Variants in CDH11 observed in about 807,000 individuals in gnomAD.
CDH11 encodes the protein cadherin-11.
In CDH11, 11 loss-of-function variants were observed where a neutral mutation model predicts 67.8. That is an observed-to-expected ratio of 0.16 (90% CI 0.10 to 0.27). The LOEUF (loss-of-function observed/expected upper bound fraction) is 0.27, where lower values mean the gene tolerates loss of function less well. Ranked by LOEUF, CDH11 falls within the 10% of genes least tolerant of loss-of-function variation. The pLI is 1.00. For synonymous variants in CDH11, 419 were observed against 400.0 expected, an observed-to-expected ratio of 1.05 and a Z score of -0.57; for missense variants, 847 against 1,031.2, an observed-to-expected ratio of 0.82 and a Z score of 2.45.
intron 2 of CDH11, among the ~76,000 whole-genome samples, chr16:65,033,932 A>G (rs2073699379): frequency 6.6e-6 from 1 of 152,134 alleles, no homozygotes; most frequent in South Asian, 2.1e-4. Flanking sequence ...TTGTGTGAGA[A>G]AGACACTTAC....
intron 11 of CDH11, among the ~76,000 whole-genome samples, chr16:64,969,955 A>G (rs2071956440): frequency 6.6e-6 from 1 of 152,212 alleles, no homozygotes; most frequent in Admixed American, 6.5e-5. Flanking sequence ...GAGACTTACA[A>G]GTGCACATTC....
chr16:65,068,824 A>G (rs569297524), intron 1 of CDH11, among the ~76,000 whole-genome samples: 48 of 152,328 alleles, frequency 3.2e-4, no homozygotes, highest in Non-Finnish European at 4.9e-4. Context: ...ATTTTCAGAA[A>G]TAAGAAAAAT....
intron 3 of CDH11, among the ~76,000 whole-genome samples, 162 bp from the exon 4 acceptor site, chr16:64,999,018 T>C (rs2072846751): frequency 6.6e-6 from 1 of 152,046 alleles, no homozygotes; most frequent in Admixed American, 6.5e-5. Flanking sequence ...TTAGAGAATA[T>C]CATAGCCTTG....
At chr16:65,043,348 T>G (rs1481063047) in intron 2 of CDH11, among the ~76,000 whole-genome samples, 4 of 151,420 alleles carry the variant, frequency 2.6e-5, no homozygotes, top group Admixed American at 2.6e-4. Context: ...AGCATGGGGA[T>G]GTTTACTAGG....
chr16:64,967,643 C>T (rs1377097831), intron 11 of CDH11, among the ~76,000 whole-genome samples: 4 of 151,566 alleles, frequency 2.6e-5, no homozygotes, highest in Admixed American at 1.3e-4. Flanking sequence ...GTATTACATA[C>T]TATTAAGTGG....
intron 4 of CDH11, among the ~76,000 whole-genome samples, chr16:64,995,759 C>T (rs1362483933): frequency 6.6e-6 from 1 of 152,116 alleles, no homozygotes; most frequent in Non-Finnish European, 1.5e-5. Context: ...CCTAATTACA[C>T]TAAAGAGCTT....
At chr16:65,019,525 G>A (rs1426010940) in intron 2 of CDH11, among the ~76,000 whole-genome samples, 2 of 151,972 alleles carry the variant, frequency 1.3e-5, no homozygotes, top group Non-Finnish European at 2.9e-5. Flanking sequence ...TTTTGCATTA[G>A]TGCATCGTTA....
At chr16:64,964,490 G>C (rs1288946853) in intron 11 of CDH11, among the ~76,000 whole-genome samples, 1 of 152,172 alleles carries the variant, frequency 6.6e-6, no homozygotes. Flanking sequence ...CACTGAGTGA[G>C]TGAATGTGAA....
At chr16:65,039,500 C>T (rs1292144902) in intron 2 of CDH11, among the ~76,000 whole-genome samples, 2 of 152,188 alleles carry the variant, frequency 1.3e-5, no homozygotes, top group Non-Finnish European at 2.9e-5. Context: ...GGAAAACTGG[C>T]TAGCCATATG....
intron 2 of CDH11, among the ~76,000 whole-genome samples, chr16:65,023,734 T>A (rs2073476579): frequency 6.6e-6 from 1 of 152,216 alleles, no homozygotes; most frequent in Admixed American, 6.5e-5. Flanking sequence ...ATTTGTAAAC[T>A]GTCATGGCAC....
chr16:64,987,076 TTGAAAA>T (rs2072505758), intron 7 of CDH11: 1 of 152,220 alleles, frequency 6.6e-6, no homozygotes, highest in South Asian at 2.1e-4. Context: ...TAAAACTAAG[TTGAAAA>T]TGAACGCTTG....
chr16:65,045,351 A>C (rs868314550), intron 2 of CDH11, among the ~76,000 whole-genome samples: 36 of 119,612 alleles, frequency 3.0e-4, no homozygotes, highest in Middle Eastern at 4.5e-3. Flanking sequence ...ATATATATAT[A>C]TATATATATA....
intron 4 of CDH11, among the ~76,000 whole-genome samples, chr16:64,996,271 C>T (rs1179779846): frequency 6.6e-6 from 1 of 152,084 alleles, no homozygotes; most frequent in African/African-American, 2.4e-5. Flanking sequence ...GAGCAGATCA[C>T]CTGAGGTCTG....
intron 11 of CDH11, among the ~76,000 whole-genome samples, chr16:64,960,082 G>C (rs1194509773): frequency 2.0e-5 from 3 of 152,136 alleles, no homozygotes; most frequent in African/African-American, 7.2e-5. Context: ...TATTACATTT[G>C]CAAAACTAAT....
intron 1 of CDH11, among the ~76,000 whole-genome samples, chr16:65,100,094 G>A (rs912341837): frequency 2.0e-5 from 3 of 152,174 alleles, no homozygotes; most frequent in Non-Finnish European, 4.4e-5. Context: ...AATGGACTGG[G>A]TGTGAGGTCT....
chr16:64,992,870 T>A, intron 5 of CDH11, 45 bp downstream of exon 5: 1 of 1,600,126 alleles, frequency 6.2e-7, no homozygotes, highest in Non-Finnish European at 8.6e-7. Context: ...GCCTGGGACT[T>A]CTTATTCACC....
At chr16:64,959,929 C>T (rs2071625816) in intron 11 of CDH11, among the ~76,000 whole-genome samples, 1 of 152,142 alleles carries the variant, frequency 6.6e-6, no homozygotes, top group Non-Finnish European at 1.5e-5. Context: ...CTTACTAAAC[C>T]AACATTGCTT....
At chr16:64,983,045 G>A (rs1021218689) in intron 7 of CDH11, 6 of 151,882 alleles carry the variant, frequency 4.0e-5, no homozygotes, top group East Asian at 1.9e-4. Flanking sequence ...TAATGGCATC[G>A]TTTTGGTTTG....
At chr16:65,085,588 T>C (rs1455420820) in intron 1 of CDH11, among the ~76,000 whole-genome samples, 2 of 152,218 alleles carry the variant, frequency 1.3e-5, no homozygotes, top group African/African-American at 4.8e-5. Context: ...GTAGATTGAT[T>C]GGTCTGAATT....
Sources: gnomAD v4.1 joint callset for allele counts (sites outside exome capture counted in the v4.1 genomes callset) on GRCh38, gnomAD v4.1.1 for gene constraint, MANE v1.5 for transcripts, NCBI Gene and HGNC (gene_info 2026-07-23, HGNC 2026-07-21) for gene names.